ADAMTS19: variants seen among roughly 807,000 people sequenced by gnomAD.
The protein encoded by ADAMTS19 is A disintegrin and metalloproteinase with thrombospondin motifs 19.
In ADAMTS19, 93 loss-of-function variants were observed where a neutral mutation model predicts 153.3. That is an observed-to-expected ratio of 0.61 (90% CI 0.51 to 0.72). ADAMTS19 has a LOEUF of 0.72. Ranked by LOEUF, ADAMTS19 falls within the 30% of genes least tolerant of loss-of-function variation. The pLI is 0.00. For missense variants in ADAMTS19, 1,482 were observed against 1,552.1 expected (o/e 0.95, Z 0.76); for synonymous variants, 600 against 556.6 (o/e 1.08, Z -1.10).
chr5:129,517,266 G>T lies in ADAMTS19; in HGVS notation c.913+8024G>T, dbSNP rs967396138. Among the ~76,000 whole-genome samples, 12 of 151,980 alleles carry T rather than the reference G, an allele frequency of 7.9e-5. 1 individual carries two copies. Among genetic ancestry groups the T allele is most frequent in the Admixed American group, 1.3e-4 (2 of 15,250 alleles). ...AAAGAATGGTATTCTGCAGCTCTTG[G>T]TTATAATGTTCTGTAAATCTTTATT... is the stretch of plus-strand genomic sequence containing the variant. On this transcript the variant is annotated intron_variant, in intron 3 of 22. Coordinates refer to ENST00000274487, the MANE Select transcript of ADAMTS19 (RefSeq NM_133638.6).
chr5:129,592,058 CT>C (rs1436897611), intron 7 of ADAMTS19, among the ~76,000 whole-genome samples: 1 of 151,814 alleles, frequency 6.6e-6, no homozygotes, highest in Non-Finnish European at 1.5e-5. Flanking sequence ...TTTTTGTTTG[CT>C]TTTTATTTCC....
chr5:129,608,987 C>T (rs886174063), intron 8 of ADAMTS19, among the ~76,000 whole-genome samples: 1 of 152,068 alleles, frequency 6.6e-6, no homozygotes, highest in Non-Finnish European at 1.5e-5. Flanking sequence ...CAAATATGCT[C>T]TTCTAGAAAT....
chr5:129,604,750 T>C (rs1750813029), intron 8 of ADAMTS19, among the ~76,000 whole-genome samples: 1 of 152,232 alleles, frequency 6.6e-6, no homozygotes, highest in Non-Finnish European at 1.5e-5. Context: ...TGATATTGCA[T>C]GAGACTTTCA....
At chr5:129,531,729 G>T (rs1752213977) in intron 6 of ADAMTS19, among the ~76,000 whole-genome samples, 1 of 151,950 alleles carries the variant, frequency 6.6e-6, no homozygotes, top group Admixed American at 6.6e-5. Flanking sequence ...AAATTGGATG[G>T]ACTTACACGA....
chr5:129,664,261 A>G (rs1561636008), intron 15 of ADAMTS19, among the ~76,000 whole-genome samples: 1 of 152,168 alleles, frequency 6.6e-6, no homozygotes, highest in East Asian at 1.9e-4. Flanking sequence ...CATTTATATA[A>G]GGTAGTTATG....
intron 21 of ADAMTS19, among the ~76,000 whole-genome samples, chr5:129,706,876 TA>T (rs987186749): frequency 5.1e-4 from 78 of 152,200 alleles, no homozygotes; most frequent in East Asian, 2.9e-3. Flanking sequence ...TATGCTAAAC[TA>T]AAAAAAATTT....
chr5:129,461,191 G>C lies in ADAMTS19; in HGVS notation c.181G>C (p.Gly61Arg). The C allele has an allele frequency of 1.5e-6, 2 of 1,354,396 alleles. No homozygotes were observed. The highest frequency in any genetic ancestry group is 1.9e-5 in the South Asian group (1 of 53,028). 83.9% of individuals were successfully genotyped at this position (1,354,396 alleles called of 1,614,324 possible). A position where few individuals can be genotyped will look rare whatever the true frequency, so the allele number is the denominator to read the frequency against. The change falls in exon 2 of 23, where the codon GGG (glycine) becomes CGG (arginine). Residue 61 changes from glycine (G) to arginine (R), a missense_variant. Transcript: ENST00000274487. The surrounding 1 kb of genome is among the most constrained non-coding windows in gnomAD (Gnocchi z 4.6). ...REPVDPAGGS[G>R]GSADPGWVRG... is the part of the protein sequence containing the mutation. ...GCCGGTGGACCCGGCTGGCGGCAGC[G>C]GGGGCAGCGCGGACCCGGGCTGGGT... is the stretch of plus-strand genomic sequence containing the variant.
intron 2 of ADAMTS19, among the ~76,000 whole-genome samples, chr5:129,472,650 C>T (rs2126654045): frequency 6.6e-6 from 1 of 152,072 alleles, no homozygotes; most frequent in South Asian, 2.1e-4. Context: ...GCTTCCTATT[C>T]TAGAATCTGG....
At chr5:129,483,962 C>T (rs970947896) in intron 2 of ADAMTS19, among the ~76,000 whole-genome samples, 1 of 152,088 alleles carries the variant, frequency 6.6e-6, no homozygotes, top group Non-Finnish European at 1.5e-5. Context: ...GCCAAATCAA[C>T]TTCTAAAAAT....
chr5:129,614,590 G>A (rs1305383752), intron 8 of ADAMTS19, among the ~76,000 whole-genome samples: 7 of 152,024 alleles, frequency 4.6e-5, no homozygotes, highest in African/African-American at 1.7e-4. Flanking sequence ...TACTGAATGG[G>A]CAAAAACTGG....
intron 16 of ADAMTS19, among the ~76,000 whole-genome samples, chr5:129,667,727 C>T (rs1754118401): frequency 6.6e-6 from 1 of 152,102 alleles, no homozygotes; most frequent in South Asian, 2.1e-4. Context: ...ACTTCCTATA[C>T]AGCCCACAGA....
Position 129,472,439 on chromosome 5 carries a change from G to T in ADAMTS19, c.747+10682G>T, listed in dbSNP as rs56216609. On this transcript the variant is annotated intron_variant, in intron 2 of 22. Transcript: ENST00000274487. ...GAAAGTTCCAGTAATGGTAAAATTA[G>T]ATACGTCCTGTCCTTACTTAATAAT... 5.5e-3 allele frequency among the ~76,000 whole-genome samples: 842 copies of T among 152,324 alleles called. 8 individuals carry two copies. The highest frequency in any genetic ancestry group is 0.019 in the African/African-American group (794 of 41,568).
intron 2 of ADAMTS19, among the ~76,000 whole-genome samples, chr5:129,504,053 T>G (rs1751191458): frequency 6.6e-6 from 1 of 152,178 alleles, no homozygotes; most frequent in Non-Finnish European, 1.5e-5. Context: ...TTCAAGACAT[T>G]GGCTTTCCTT....
At chr5:129,534,922 T>C (rs1376009861) in intron 6 of ADAMTS19, among the ~76,000 whole-genome samples, 1 of 152,122 alleles carries the variant, frequency 6.6e-6, no homozygotes, top group East Asian at 1.9e-4. Context: ...GGGGCGTATA[T>C]CAAAATAATA....
chr5:129,504,776 C>T (rs1018355147), intron 2 of ADAMTS19, among the ~76,000 whole-genome samples: 7 of 151,850 alleles, frequency 4.6e-5, no homozygotes, highest in African/African-American at 1.7e-4. Flanking sequence ...CTTGCTTATT[C>T]TACTTAATAT....
chr5:129,522,077 C>A (rs1266473803), intron 3 of ADAMTS19, among the ~76,000 whole-genome samples: 1 of 151,462 alleles, frequency 6.6e-6, no homozygotes, highest in Non-Finnish European at 1.5e-5. Flanking sequence ...GAAGTTGACA[C>A]TGGTGAGAAG....
intron 7 of ADAMTS19, among the ~76,000 whole-genome samples, chr5:129,581,110 G>T (rs561110717): frequency 2.6e-5 from 4 of 152,310 alleles, no homozygotes; most frequent in African/African-American, 9.6e-5. Context: ...CTCAATTTCA[G>T]AACTTGCTAT....
At chr5:129,721,617 C>G (rs1757008851) in intron 21 of ADAMTS19, among the ~76,000 whole-genome samples, 1 of 151,746 alleles carries the variant, frequency 6.6e-6, no homozygotes, top group African/African-American at 2.4e-5. Context: ...ACTTTAAGTT[C>G]CAGGATACGT....
intron 7 of ADAMTS19, among the ~76,000 whole-genome samples, chr5:129,566,380 A>G (rs1753709258): frequency 6.6e-6 from 1 of 152,178 alleles, no homozygotes; most frequent in African/African-American, 2.4e-5. Context: ...GTCTAGTTTC[A>G]GGTAAACTGG....
Sources: gnomAD v4.1 joint callset for allele counts (sites outside exome capture counted in the v4.1 genomes callset) on GRCh38, gnomAD v4.1.1 for gene constraint, Gnocchi (gnomAD v3.1) non-coding constraint, MANE v1.5 for transcripts, NCBI Gene and HGNC (gene_info 2026-07-23, HGNC 2026-07-21) for gene names.